FCHSD2: variants seen among roughly 807,000 people sequenced by gnomAD.
FCHSD2 encodes FCH and double SH3 domains 2.
A neutral mutation model predicts 108.1 loss-of-function variants in FCHSD2; 38 were observed. The observed-to-expected ratio is 0.35, with a 90% CI of 0.27 to 0.46. FCHSD2 has a LOEUF of 0.46. Among genes scored for constraint, FCHSD2 ranks in the 20% least tolerant of loss-of-function variants. The pLI is 1.00. For synonymous variants in FCHSD2, 279 were observed against 314.7 expected (o/e 0.89, Z 1.20); for missense variants, 751 against 897.8 (o/e 0.84, Z 2.09).
chr11:73,022,760 C>G (rs1427879051), intron 3 of FCHSD2, among the ~76,000 whole-genome samples: 3 of 152,062 alleles, frequency 2.0e-5, no homozygotes, highest in Admixed American at 6.6e-5. Flanking sequence ...AGAACAAAAT[C>G]AGAGCACTCT....
chr11:72,842,511 C>A, intron 17 of FCHSD2, 110 bp downstream of exon 17: 1 of 1,309,316 alleles, frequency 7.6e-7, no homozygotes, highest in East Asian at 2.4e-5. Context: ...AACCAAGGAC[C>A]GGTGAGGGTA....
At chr11:73,069,836 A>G (rs1446315706) in intron 3 of FCHSD2, among the ~76,000 whole-genome samples, 2 of 152,196 alleles carry the variant, frequency 1.3e-5, no homozygotes, top group East Asian at 3.8e-4. Flanking sequence ...CAAATAAAAC[A>G]TCTAGATTCA....
At chr11:72,847,062 T>G (rs1861165244) in intron 14 of FCHSD2, among the ~76,000 whole-genome samples, 1 of 152,212 alleles carries the variant, frequency 6.6e-6, no homozygotes, top group Non-Finnish European at 1.5e-5. Flanking sequence ...AGTGGTGTAA[T>G]CATGGCTCAC....
At chr11:73,052,416 A>T (rs187127477) in intron 3 of FCHSD2, among the ~76,000 whole-genome samples, 1,559 of 151,976 alleles carry the variant, frequency 0.01, 24 homozygotes, top group African/African-American at 0.035. Flanking sequence ...TTTTTTTTTT[A>T]AAAAAAGACA....
chr11:73,069,830 TAAAAC>T (rs1248184468), intron 3 of FCHSD2, among the ~76,000 whole-genome samples: 1 of 151,970 alleles, frequency 6.6e-6, no homozygotes, highest in Non-Finnish European at 1.5e-5. Context: ...GCAAGGCAAA[TAAAAC>T]ATCTAGATTC....
At chr11:73,103,222 G>A (rs201765729) in intron 2 of FCHSD2, among the ~76,000 whole-genome samples, 1 of 92,864 alleles carries the variant, frequency 1.1e-5, no homozygotes. Context: ...TACACTTAAG[G>A]TAGATGGATT....
intron 12 of FCHSD2, among the ~76,000 whole-genome samples, chr11:72,875,998 G>A (rs1174626981): frequency 6.6e-6 from 1 of 152,198 alleles, no homozygotes; most frequent in Non-Finnish European, 1.5e-5. Context: ...GTAATTGCTT[G>A]AGTAACCTCA....
chr11:72,854,953 C>G (rs1299733668), intron 13 of FCHSD2, among the ~76,000 whole-genome samples: 1 of 151,692 alleles, frequency 6.6e-6, no homozygotes, highest in East Asian at 1.9e-4. Flanking sequence ...GCCTGGCCAA[C>G]ATGGTGAAAC....
At chr11:73,141,833 A>G (rs1861255959) in intron 1 of FCHSD2, 24 bp downstream of exon 1, 1 of 1,541,858 alleles carries the variant, frequency 6.5e-7, no homozygotes, top group Admixed American at 2.0e-5. Context: ...TCCGAACCCC[A>G]AAGCCCCCCA....
At chr11:73,135,375 CCA>C in intron 2 of FCHSD2, among the ~76,000 whole-genome samples, 1 of 152,252 alleles carries the variant, frequency 6.6e-6, no homozygotes, top group South Asian at 2.1e-4. Context: ...ATGATAATAT[CCA>C]CCTGACTAAA....
chr11:73,121,621 A>G (rs1469012195), intron 2 of FCHSD2, among the ~76,000 whole-genome samples: 1 of 152,116 alleles, frequency 6.6e-6, no homozygotes, highest in Non-Finnish European at 1.5e-5. Flanking sequence ...TTAAGACAAT[A>G]AAGTCTTAAC....
intron 3 of FCHSD2, among the ~76,000 whole-genome samples, chr11:73,020,965 C>T (rs1858087115): frequency 6.6e-6 from 1 of 152,114 alleles, no homozygotes; most frequent in Non-Finnish European, 1.5e-5. Flanking sequence ...GTCTTGAACT[C>T]CTGGGCTCAA....
chr11:72,978,569 AT>A (rs1262619560), intron 8 of FCHSD2, among the ~76,000 whole-genome samples: 1 of 152,118 alleles, frequency 6.6e-6, no homozygotes, highest in African/African-American at 2.4e-5. Context: ...TCAAATTGTA[AT>A]CCCCATATAT....
chr11:72,864,095 A>G (rs933030092), intron 13 of FCHSD2, among the ~76,000 whole-genome samples: 1 of 152,196 alleles, frequency 6.6e-6, no homozygotes, highest in Non-Finnish European at 1.5e-5. Context: ...AGATGTTCAT[A>G]CTCTAAGTGA....
intron 2 of FCHSD2, among the ~76,000 whole-genome samples, chr11:73,121,437 T>A (rs886939780): frequency 2.6e-5 from 4 of 152,174 alleles, no homozygotes; most frequent in African/African-American, 9.6e-5. Context: ...TATAAATATA[T>A]AACTTTAAAA....
At chr11:72,942,559 T>C (rs1419118348) in intron 8 of FCHSD2, among the ~76,000 whole-genome samples, 1 of 152,200 alleles carries the variant, frequency 6.6e-6, no homozygotes, top group East Asian at 1.9e-4. Flanking sequence ...AAGATGACAG[T>C]AAGAGTGGTT....
At chr11:73,101,988 C>G (rs1350249226) in intron 2 of FCHSD2, among the ~76,000 whole-genome samples, 2 of 152,174 alleles carry the variant, frequency 1.3e-5, no homozygotes, top group African/African-American at 4.8e-5. Context: ...AGGCCAGAAG[C>G]TGCAGACCCA....
At chr11:72,891,388 C>A (rs932743418) in intron 10 of FCHSD2, among the ~76,000 whole-genome samples, 8 of 152,148 alleles carry the variant, frequency 5.3e-5, no homozygotes, top group Admixed American at 3.3e-4. Flanking sequence ...TAGATTATAA[C>A]AATGACAAAT....
chr11:73,041,720 T>C (rs1277341437), intron 3 of FCHSD2, among the ~76,000 whole-genome samples: 1 of 152,144 alleles, frequency 6.6e-6, no homozygotes, highest in Non-Finnish European at 1.5e-5. Context: ...GACTGTTTCT[T>C]TGATGTGCAG....
Sources: allele counts gnomAD v4.1 joint callset (sites outside exome capture counted in the v4.1 genomes callset), GRCh38; gene constraint gnomAD v4.1.1; transcripts MANE v1.5; gene names NCBI Gene and HGNC (gene_info 2026-07-23, HGNC 2026-07-21).